The following GPC3 variants were observed in gnomAD, a reference collection of about 807,000 sequenced individuals.
GPC3 encodes glypican-3.
A neutral mutation model predicts 34.4 loss-of-function variants in GPC3; 3 were observed. The observed-to-expected ratio is 0.09, with a 90% CI of 0.04 to 0.23. The LOEUF (loss-of-function observed/expected upper bound fraction) is 0.23, where lower values mean the gene tolerates loss of function less well. Ranked by LOEUF, GPC3 falls within the 10% of genes least tolerant of loss-of-function variation. The pLI is 1.00. For synonymous variants in GPC3, 177 were observed against 174.0 expected (o/e 1.02, Z -0.13); for missense variants, 351 against 445.6 (o/e 0.79, Z 1.91).
chrX:133,891,355 A>C (rs1160234976), intron 2 of GPC3, among the ~76,000 whole-genome samples: 5 of 111,698 alleles, frequency 4.5e-5, no homozygotes, highest in Non-Finnish European at 3.8e-5. Flanking sequence ...AAATATCCCA[A>C]AACTGACTGT....
At chrX:133,913,296 T>A (rs1367078539) in intron 2 of GPC3, among the ~76,000 whole-genome samples, 6 of 111,870 alleles carry the variant, frequency 5.4e-5, no homozygotes, top group Admixed American at 9.5e-5. Flanking sequence ...TCATGTAGTG[T>A]CTGGAACCAA....
intron 6 of GPC3, among the ~76,000 whole-genome samples, chrX:133,640,029 G>C (rs2070466069): frequency 9.0e-6 from 1 of 111,448 alleles, no homozygotes. Flanking sequence ...GCCACTAGAA[G>C]CTGGAAATAA....
chrX:133,745,007 T>A (rs776481473), intron 3 of GPC3, among the ~76,000 whole-genome samples: 20 of 109,571 alleles, frequency 1.8e-4, no homozygotes, highest in African/African-American at 6.0e-4. Context: ...CACCGGGGCC[T>A]GTCGGTGGGT....
At chrX:133,676,039 G>A (rs910247592) in intron 5 of GPC3, among the ~76,000 whole-genome samples, 1 of 112,086 alleles carries the variant, frequency 8.9e-6, no homozygotes, top group African/African-American at 3.2e-5. Context: ...ACTGCAAACC[G>A]GTGATTGAGA....
intron 6 of GPC3, among the ~76,000 whole-genome samples, chrX:133,645,148 C>T (rs1243862344): frequency 2.7e-5 from 3 of 111,471 alleles, no homozygotes; most frequent in African/African-American, 6.5e-5. Flanking sequence ...TGGGTCTCAT[C>T]TCCTAGATGT....
intron 2 of GPC3, among the ~76,000 whole-genome samples, chrX:133,920,670 T>G (rs1254295875): frequency 8.9e-6 from 1 of 111,788 alleles, no homozygotes; most frequent in Admixed American, 9.5e-5. Context: ...CCTATCCCAA[T>G]CCTATGTATT....
intron 6 of GPC3, among the ~76,000 whole-genome samples, chrX:133,602,766 C>T (rs1414487941): frequency 9.0e-6 from 1 of 111,692 alleles, no homozygotes; most frequent in African/African-American, 3.3e-5. Flanking sequence ...ACATTGTATA[C>T]ACGTATTGAA....
intron 2 of GPC3, among the ~76,000 whole-genome samples, chrX:133,801,397 C>G (rs138813301): frequency 0.015 from 1,675 of 111,856 alleles, 31 homozygotes; most frequent in African/African-American, 0.049. Flanking sequence ...TGGAGGTTCA[C>G]AGTCCTATTT....
At chrX:133,931,954 C>A (rs2076300771) in intron 2 of GPC3, among the ~76,000 whole-genome samples, 1 of 111,755 alleles carries the variant, frequency 8.9e-6, no homozygotes. Flanking sequence ...GTGAGCTTAC[C>A]CATATTGTCA....
Position 133,864,029 on chromosome X carries a change from C to T in GPC3, c.337+89021G>A, listed in dbSNP as rs192283055. Among the ~76,000 whole-genome samples, 176 of 111,688 alleles carry T rather than the reference C, an allele frequency of 1.6e-3. 4 individuals are homozygous for T. The highest frequency in any genetic ancestry group is 1.0e-3 in the Non-Finnish European group (54 of 53,166). ...AAATTTCCCTTCCCACAGATGGTGT[C>T]TGGAAAAATAAGAATACTTGGTTAT... On this transcript the variant is annotated intron_variant, in intron 2 of 7. Transcript: ENST00000370818.
chrX:133,878,626 G>GT (rs1006712318), intron 2 of GPC3, among the ~76,000 whole-genome samples: 1 of 111,415 alleles, frequency 9.0e-6, no homozygotes, highest in African/African-American at 3.3e-5. Context: ...TGTCTTTTTT[G>GT]TTTTTTTACA....
chrX:133,922,031 C>T (rs144170695), intron 2 of GPC3, among the ~76,000 whole-genome samples: 40 of 112,442 alleles, frequency 3.6e-4, no homozygotes, highest in African/African-American at 1.2e-3. Context: ...TAGCAGTCGC[C>T]GGCTACTCTG....
chrX:133,798,501 T>C, intron 2 of GPC3, among the ~76,000 whole-genome samples: 2 of 112,255 alleles, frequency 1.8e-5, no homozygotes. Flanking sequence ...ATAAACATGC[T>C]TGTTTTAGGG....
At chrX:133,565,617 C>T (rs2069575541) in intron 7 of GPC3, among the ~76,000 whole-genome samples, 1 of 112,029 alleles carries the variant, frequency 8.9e-6, no homozygotes, top group South Asian at 3.7e-4. Context: ...AAGTAGGTTC[C>T]TGTGCCATCA....
At chrX:133,898,839 G>A (rs898877950) in intron 2 of GPC3, among the ~76,000 whole-genome samples, 12 of 111,979 alleles carry the variant, frequency 1.1e-4, no homozygotes, top group African/African-American at 3.6e-4. Context: ...CTGGCATTAT[G>A]TTGAGCCCAC....
chrX:133,976,399 G>C (rs2076515098), intron 1 of GPC3, among the ~76,000 whole-genome samples: 2 of 111,586 alleles, frequency 1.8e-5, no homozygotes, highest in African/African-American at 6.5e-5. Flanking sequence ...GTATGACTGT[G>C]AAATACCACC....
At chrX:133,754,874 G>A (rs1014527380) in intron 2 of GPC3, among the ~76,000 whole-genome samples, 14 of 111,958 alleles carry the variant, frequency 1.3e-4, no homozygotes, top group South Asian at 3.7e-4. Context: ...CTGAACATCC[G>A]GAGGGATAAC....
chrX:133,543,884 T>C (rs1467275071), intron 7 of GPC3, among the ~76,000 whole-genome samples: 1 of 112,117 alleles, frequency 8.9e-6, no homozygotes, highest in Non-Finnish European at 1.9e-5. Flanking sequence ...GAGTAGGGAT[T>C]CACTCACCCT....
chrX:133,589,565 G>A lies in GPC3; in HGVS notation c.1573+6875C>T, dbSNP rs913747083. On this transcript the variant is annotated intron_variant, in intron 7 of 7. Transcript: ENST00000370818. The stretch of plus-strand genomic sequence containing the variant: ...CTAATTTTGTATTTTTAGTAGAGGC[G>A]GGGTTTCTCCATGTTGGTCAGGCTG... 1.0e-4 allele frequency among the ~76,000 whole-genome samples: 11 copies of A among 109,710 alleles called. 1 individual carries two copies. Among genetic ancestry groups the A allele is most frequent in the Admixed American group, 4.9e-4 (5 of 10,287 alleles).
Sources: gnomAD v4.1 joint callset for allele counts (sites outside exome capture counted in the v4.1 genomes callset) on GRCh38, gnomAD v4.1.1 for gene constraint, MANE v1.5 for transcripts, NCBI Gene and HGNC (gene_info 2026-07-23, HGNC 2026-07-21) for gene names.